ZC3H4: variants seen among roughly 807,000 people sequenced by gnomAD.
ZC3H4 encodes zinc finger CCCH-type containing 4, also known as zinc finger CCCH domain-containing protein 4.
Under a neutral mutation model 108.3 loss-of-function variants are expected in ZC3H4, and 13 were observed. That is an observed-to-expected ratio of 0.12 (90% CI 0.08 to 0.19). ZC3H4 has a LOEUF of 0.19. ZC3H4 is among the 10% of genes least tolerant of loss of function. ZC3H4 has a pLI of 1.00. For synonymous variants in ZC3H4, 917 were observed against 749.6 expected, an observed-to-expected ratio of 1.22 and a Z score of -3.65; for missense variants, 1,734 against 1,838.8, an observed-to-expected ratio of 0.94 and a Z score of 1.04.
At chr19:47,110,009 T>C (rs2123116784) in intron 2 of ZC3H4, among the ~76,000 whole-genome samples, 1 of 152,236 alleles carries the variant, frequency 6.6e-6, no homozygotes, top group South Asian at 2.1e-4. Flanking sequence ...TGTAACACGT[T>C]TGCATCAACT....
At chr19:47,109,345 C>T (rs1304549688) in intron 2 of ZC3H4, among the ~76,000 whole-genome samples, 1 of 152,150 alleles carries the variant, frequency 6.6e-6, no homozygotes, top group Non-Finnish European at 1.5e-5. Flanking sequence ...CTGAACATTG[C>T]TAAAAAATTT....
chr19:47,089,675 G>A (rs1423121673), intron 5 of ZC3H4, among the ~76,000 whole-genome samples: 1 of 149,856 alleles, frequency 6.7e-6, no homozygotes, highest in African/African-American at 2.4e-5. Flanking sequence ...CAGTGACCAT[G>A]GCCCAGGTGA....
intron 2 of ZC3H4, among the ~76,000 whole-genome samples, chr19:47,102,769 CAAA>C: frequency 9.7e-6 from 1 of 103,046 alleles, no homozygotes; most frequent in Admixed American, 1.0e-4. Flanking sequence ...GGAATTCTGG[CAAA>C]AAAAAAAAAA....
At chr19:47,080,099 C>T (rs1329489254) in intron 11 of ZC3H4, among the ~76,000 whole-genome samples, 1 of 152,116 alleles carries the variant, frequency 6.6e-6, no homozygotes, top group Non-Finnish European at 1.5e-5. Flanking sequence ...GTGCTGATGC[C>T]TTGATCCTTT....
At chr19:47,092,237 A>G (rs2057746194) in intron 4 of ZC3H4, among the ~76,000 whole-genome samples, 1 of 152,178 alleles carries the variant, frequency 6.6e-6, no homozygotes, top group Admixed American at 6.5e-5. Context: ...AAAGCCCACT[A>G]ATTTTAAAAA....
chr19:47,094,131 C>A (rs573277749), intron 3 of ZC3H4, 51 bp from the exon 4 acceptor site: 19 of 1,559,214 alleles, frequency 1.2e-5, no homozygotes, highest in Non-Finnish European at 1.6e-5. Flanking sequence ...GCAGGCCACT[C>A]GGGCACAGTC....
Position 47,067,757 on chromosome 19 carries a change from C to T in ZC3H4, c.2511G>A (p.Gly837=). Residue 837 remains glycine (G), a synonymous_variant, in exon 15 of 15, where the codon GGG becomes GGA. Coordinates refer to ENST00000253048, the MANE Select transcript of ZC3H4 (RefSeq NM_015168.2). The surrounding 1 kb of genome is among the most constrained non-coding windows in gnomAD (Gnocchi z 6.4). ...CCCCCAGCCCACTGCTGCTCAGCTC[C>T]CCAACTGAAGCCGGGGGTCGGCTGG... The part of the protein sequence containing the change: ...QTSSRPPASV[G]ELSSSGLGDP... 6.2e-7 allele frequency: 1 copy of T among 1,609,516 alleles called. No individual in the cohort carries two copies. The highest frequency in any genetic ancestry group is 8.5e-7 in the Non-Finnish European group (1 of 1,178,904).
Position 47,069,089 on chromosome 19 carries a change from T to G in ZC3H4, c.2398+3A>C, listed in dbSNP as rs1347032213. On this transcript the variant is annotated splice_donor_region_variant and intron_variant, in intron 14 of 14. Coordinates refer to ENST00000253048, the MANE Select transcript of ZC3H4 (RefSeq NM_015168.2). ...TGCCCCGGCCCCTGGGGCGGACACG[T>G]GCCTTCCTCATTCTCCCGGTCCTGC... The G allele has an allele frequency of 6.2e-7, 1 of 1,602,666 alleles. No individual in the cohort carries two copies. The highest frequency in any genetic ancestry group is 1.3e-5 in the African/African-American group (1 of 74,900).
rs568348419 is a variant in ZC3H4 at position 47,093,810 on chromosome 19, G to A, written c.492+160C>T. 1.0e-4 allele frequency: 56 copies of A among 544,642 alleles called. No individual in the cohort carries two copies. The South Asian group carries it at 1.9e-3, about 18-fold the overall frequency. 33.7% of individuals were successfully genotyped at this position (544,642 alleles called of 1,614,324 possible). A position where few individuals can be genotyped will look rare whatever the true frequency, so the allele number is the denominator to read the frequency against. ...GGGCTGCCTTGTTGAAATTGTCTAA[G>A]TTTCAGTTTCCTCACTCATAAAATG... is the stretch of plus-strand genomic sequence containing the variant. On this transcript the variant is annotated intron_variant, in intron 4 of 14. Transcript: ENST00000253048.
At chr19:47,092,796 G>A (rs866237961) in intron 4 of ZC3H4, among the ~76,000 whole-genome samples, 1 of 150,962 alleles carries the variant, frequency 6.6e-6, no homozygotes, top group Non-Finnish European at 1.5e-5. Context: ...CAGCCTAGGC[G>A]ACAGAGCAAG....
At chr19:47,081,330 T>C (rs1162060286) in intron 11 of ZC3H4, among the ~76,000 whole-genome samples, 183 bp downstream of exon 11, 1 of 152,172 alleles carries the variant, frequency 6.6e-6, no homozygotes, top group Non-Finnish European at 1.5e-5. Context: ...AGACAACACA[T>C]GTGACCACCT....
chr19:47,103,222 T>C (rs1600107022), intron 2 of ZC3H4, among the ~76,000 whole-genome samples: 2 of 152,342 alleles, frequency 1.3e-5, no homozygotes, highest in Admixed American at 1.3e-4. Context: ...ATGGTTTTCA[T>C]CAGAGGACCG....
At chr19:47,102,644 A>G (rs1427715592) in intron 2 of ZC3H4, among the ~76,000 whole-genome samples, 1 of 152,238 alleles carries the variant, frequency 6.6e-6, no homozygotes, top group African/African-American at 2.4e-5. Flanking sequence ...CTACCCAAAC[A>G]CAAAGACACA....
intron 13 of ZC3H4, among the ~76,000 whole-genome samples, chr19:47,069,663 A>C (rs2057291315): frequency 6.6e-6 from 1 of 152,252 alleles, no homozygotes; most frequent in South Asian, 2.1e-4. Flanking sequence ...TCCCTCTGGA[A>C]CACAGATTCT....
chr19:47,077,105 A>AGCCAACACTGCACTACTGCACTCC, intron 11 of ZC3H4, among the ~76,000 whole-genome samples: 1 of 152,138 alleles, frequency 6.6e-6, no homozygotes, highest in East Asian at 1.9e-4. Context: ...GGTTGCAGTG[A>AGCCAACACTGCACTACTGCACTCC]GCCAACACTG....
chr19:47,089,711 C>CG (rs1555782818), intron 5 of ZC3H4, among the ~76,000 whole-genome samples: 3 of 152,034 alleles, frequency 2.0e-5, no homozygotes, highest in Non-Finnish European at 2.9e-5. Flanking sequence ...CTTCTCCCCC[C>CG]ACAGCTGACC....
In ZC3H4 at chr19:47,113,270, G is replaced by A. The variant is rs557439681; in HGVS notation, c.-6+450C>T. ...CGGCGGAAAGAGCCGAAGGCAAAGG[G>A]CGAGGCCGAGGGGAGGCGGAAATAG... On this transcript the variant is annotated intron_variant, in intron 1 of 14. Coordinates refer to ENST00000253048, the MANE Select transcript of ZC3H4 (RefSeq NM_015168.2). The A allele has an allele frequency of 3.3e-5, 5 of 153,282 alleles. No individual in the cohort carries two copies. The South Asian group carries it at 9.8e-4, about 30-fold the overall frequency. 9.5% of individuals were successfully genotyped at this position (153,282 alleles called of 1,614,324 possible). A position where few individuals can be genotyped will look rare whatever the true frequency, so the allele number is the denominator to read the frequency against.
chr19:47,087,902 G>A (rs144902660), intron 5 of ZC3H4, among the ~76,000 whole-genome samples: 120 of 150,608 alleles, frequency 8.0e-4, no homozygotes, highest in African/African-American at 2.7e-3. Flanking sequence ...GGCTGGGCGC[G>A]GTGGCTCACG....
chr19:47,084,957 T>C, intron 8 of ZC3H4, 99 bp downstream of exon 8: 1 of 1,523,184 alleles, frequency 6.6e-7, no homozygotes, highest in East Asian at 2.3e-5. Flanking sequence ...GGGTGGCTGA[T>C]GGCAGCAAGG....
Sources: allele counts gnomAD v4.1 joint callset (sites outside exome capture counted in the v4.1 genomes callset), GRCh38; gene constraint gnomAD v4.1.1; non-coding constraint Gnocchi (gnomAD v3.1); transcripts MANE v1.5; gene names NCBI Gene and HGNC (gene_info 2026-07-23, HGNC 2026-07-21).